NBAS: variants seen among roughly 807,000 people sequenced by gnomAD.
NBAS encodes the protein NBAS subunit of NRZ tethering complex.
In NBAS, 219 loss-of-function variants were observed where a neutral mutation model predicts 302.5. The ratio of observed to expected loss-of-function variants is 0.72; its 90% CI spans 0.65 to 0.81. The LOEUF (loss-of-function observed/expected upper bound fraction) is 0.81. Ranked by LOEUF, NBAS falls within the 30% of genes least tolerant of loss-of-function variation. The pLI, the probability that NBAS is intolerant of heterozygous loss-of-function variation, is 0.00. For synonymous variants in NBAS, 1,118 were observed against 1,021.6 expected, an observed-to-expected ratio of 1.09 and a Z score of -1.80; for missense variants, 2,932 against 2,841.6, an observed-to-expected ratio of 1.03 and a Z score of -0.72.
intron 11 of NBAS, among the ~76,000 whole-genome samples, chr2:15,499,585 G>A (rs545627790): frequency 3.3e-5 from 5 of 152,202 alleles, no homozygotes; most frequent in Admixed American, 6.5e-5. Flanking sequence ...ACACATAGAA[G>A]GGAACAACAC....
the NBAS span, among the ~76,000 whole-genome samples, chr2:15,095,146 C>T: frequency 4.6e-5 from 7 of 152,170 alleles, no homozygotes; most frequent in Admixed American, 3.3e-4. Flanking sequence ...TATTAAAGAA[C>T]GGCCATTGCA....
intron 21 of NBAS, among the ~76,000 whole-genome samples, chr2:15,436,058 G>A (rs1337651682): frequency 2.0e-5 from 3 of 151,982 alleles, no homozygotes; most frequent in Admixed American, 6.6e-5. Flanking sequence ...CAATCCACAT[G>A]AGCTCAAAAA....
intron 44 of NBAS, among the ~76,000 whole-genome samples, chr2:15,248,996 C>T (rs916311829): frequency 2.0e-5 from 3 of 151,950 alleles, no homozygotes; most frequent in African/African-American, 4.8e-5. Context: ...CTGCCAGAGA[C>T]ACAACAACAA....
At chr2:15,141,163 C>CT in the NBAS span, among the ~76,000 whole-genome samples, 12 of 152,084 alleles carry the variant, frequency 7.9e-5, no homozygotes, top group Non-Finnish European at 1.6e-4. Flanking sequence ...TTTCCCTTCT[C>CT]TTTTTCCCCC....
chr2:15,030,420 CA>C, the NBAS span, among the ~76,000 whole-genome samples: 1 of 152,160 alleles, frequency 6.6e-6, no homozygotes, highest in East Asian at 1.9e-4. Context: ...CAGGTTTGAG[CA>C]GGGTAAATTC....
At chr2:15,380,701 C>T (rs937506315) in intron 29 of NBAS, among the ~76,000 whole-genome samples, 1 of 152,088 alleles carries the variant, frequency 6.6e-6, no homozygotes, top group Non-Finnish European at 1.5e-5. Flanking sequence ...TTTAAACGTA[C>T]ATTAACAATG....
At chr2:15,130,272 C>T in the NBAS span, among the ~76,000 whole-genome samples, 1 of 152,300 alleles carries the variant, frequency 6.6e-6, no homozygotes, top group Non-Finnish European at 1.5e-5. Flanking sequence ...AAGGATACCA[C>T]ATTTTGCTTA....
At chr2:14,953,038 A>G in the NBAS span, among the ~76,000 whole-genome samples, 1 of 152,206 alleles carries the variant, frequency 6.6e-6, no homozygotes, top group Non-Finnish European at 1.5e-5. Context: ...GGAGGGACTG[A>G]GCAGGGAAGG....
intron 45 of NBAS, 128 bp downstream of exon 45, chr2:15,238,340 C>A: frequency 1.1e-6 from 1 of 893,250 alleles, no homozygotes. Flanking sequence ...CCAATAAAGG[C>A]TTGCGGACAA....
At chr2:15,034,105 G>A in the NBAS span, among the ~76,000 whole-genome samples, 1 of 146,166 alleles carries the variant, frequency 6.8e-6, no homozygotes, top group Non-Finnish European at 1.5e-5. Context: ...GGAGGAGAAG[G>A]AGAAGAAGGA....
downstream of NBAS, among the ~76,000 whole-genome samples, chr2:15,161,962 T>C (rs770142360): frequency 3.5e-4 from 54 of 152,302 alleles, no homozygotes; most frequent in Non-Finnish European, 3.4e-4. Flanking sequence ...TCAATACCTA[T>C]AGTCTACCTT....
In NBAS at chr2:15,241,185, G is replaced by C. The variant is rs557230596; in HGVS notation, c.5725-2499C>G. Among the ~76,000 whole-genome samples the C allele has an allele frequency of 9.9e-5, 15 of 152,282 alleles. No individual in the cohort carries two copies. In the South Asian group the frequency reaches 3.1e-3, roughly 32 times the overall value. On this transcript the variant is annotated intron_variant, in intron 44 of 51. Transcript: ENST00000281513. ...CAAGACTGAATAAGAGTTTATAGCA[G>C]AGTGAATCTTTTATTATATTCATAT...
intron 3 of NBAS, among the ~76,000 whole-genome samples, chr2:15,555,693 T>C (rs993640604): frequency 2.6e-5 from 4 of 152,140 alleles, no homozygotes; most frequent in African/African-American, 9.7e-5. Flanking sequence ...CACTTAATGG[T>C]GCATTTGCAA....
chr2:14,803,944 C>T, the NBAS span, among the ~76,000 whole-genome samples: 1 of 152,140 alleles, frequency 6.6e-6, no homozygotes, highest in Non-Finnish European at 1.5e-5. Context: ...GCCACCGTGC[C>T]CAGCCTTGTC....
chr2:14,917,131 A>C, the NBAS span, among the ~76,000 whole-genome samples: 1 of 152,216 alleles, frequency 6.6e-6, no homozygotes, highest in Non-Finnish European at 1.5e-5. Context: ...AGCTTAAAAC[A>C]CACACATTTG....
chr2:15,241,053 C>A (rs931628485), intron 44 of NBAS, among the ~76,000 whole-genome samples: 1 of 152,164 alleles, frequency 6.6e-6, no homozygotes, highest in African/African-American at 2.4e-5. Context: ...AAGTGCAGTG[C>A]TCCCTGCCAC....
chr2:14,863,584 TG>T, the NBAS span, among the ~76,000 whole-genome samples: 14 of 152,354 alleles, frequency 9.2e-5, no homozygotes, highest in East Asian at 3.9e-4. Context: ...ACTATTTTTG[TG>T]GTTTCACGGC....
intron 30 of NBAS, 127 bp downstream of exon 30, chr2:15,379,475 T>G: frequency 1.2e-6 from 1 of 837,424 alleles, no homozygotes. Context: ...AAAAAATAAC[T>G]GTGCCCCATA....
chr2:14,947,407 A>G, the NBAS span, among the ~76,000 whole-genome samples: 1 of 152,142 alleles, frequency 6.6e-6, no homozygotes, highest in African/African-American at 2.4e-5. Flanking sequence ...CAAAAAATGG[A>G]AAATCTAAAA....
Sources: allele counts gnomAD v4.1 joint callset (sites outside exome capture counted in the v4.1 genomes callset), GRCh38; gene constraint gnomAD v4.1.1; transcripts MANE v1.5; gene names NCBI Gene and HGNC (gene_info 2026-07-23, HGNC 2026-07-21).